MYO16: variants seen among roughly 807,000 people sequenced by gnomAD.
The protein encoded by MYO16 is myosin XVI.
In MYO16, 94 loss-of-function variants were observed where a neutral mutation model predicts 205.3. The observed-to-expected ratio is 0.46, with a 90% CI of 0.39 to 0.54. MYO16 has a LOEUF of 0.54. Ranked by LOEUF, MYO16 falls within the 20% of genes least tolerant of loss-of-function variation. The pLI is 0.00. For missense variants in MYO16, 2,315 were observed against 2,387.5 expected (o/e 0.97, Z 0.63); for synonymous variants, 988 against 954.0 (o/e 1.04, Z -0.66).
intron 1 of MYO16, among the ~76,000 whole-genome samples, chr13:108,639,354 T>C (rs550676697): frequency 2.6e-5 from 4 of 152,314 alleles, no homozygotes; most frequent in African/African-American, 4.8e-5. Context: ...TTTAAAAACA[T>C]GCATATCCTA....
chr13:108,896,382 T>C (rs994017032), intron 14 of MYO16, among the ~76,000 whole-genome samples: 5 of 152,188 alleles, frequency 3.3e-5, no homozygotes, highest in Non-Finnish European at 7.4e-5. Flanking sequence ...TTTCATTTTT[T>C]TCCCAGAAAA....
chr13:108,972,705 C>T (rs566238679), intron 20 of MYO16, among the ~76,000 whole-genome samples: 79 of 151,868 alleles, frequency 5.2e-4, no homozygotes, highest in African/African-American at 1.8e-3. Context: ...AACTGCCACT[C>T]TTTCTCTTAG....
chr13:108,901,753 A>T (rs1300863408), intron 15 of MYO16, among the ~76,000 whole-genome samples: 1 of 152,168 alleles, frequency 6.6e-6, no homozygotes, highest in African/African-American at 2.4e-5. Context: ...AACTCTGGCC[A>T]AATGATTTGG....
intron 12 of MYO16, among the ~76,000 whole-genome samples, chr13:108,866,578 G>A (rs147229899): frequency 3.9e-5 from 6 of 152,188 alleles, no homozygotes; most frequent in Admixed American, 3.9e-4. Flanking sequence ...ATTTGGACAC[G>A]TGACTTATTT....
intron 4 of MYO16, among the ~76,000 whole-genome samples, chr13:108,765,118 G>A (rs1885735759): frequency 1.3e-5 from 2 of 151,944 alleles, no homozygotes; most frequent in Admixed American, 1.3e-4. Flanking sequence ...ACACACATAG[G>A]TAAATCATAC....
At chr13:108,673,710 T>C (rs1882086912) in intron 2 of MYO16, among the ~76,000 whole-genome samples, 1 of 152,162 alleles carries the variant, frequency 6.6e-6, no homozygotes, top group South Asian at 2.1e-4. Context: ...TTTCCCCCAC[T>C]GCATCGACCT....
At chr13:108,522,563 T>G in the MYO16 span, among the ~76,000 whole-genome samples, 1 of 152,086 alleles carries the variant, frequency 6.6e-6, no homozygotes, top group Admixed American at 6.5e-5. Context: ...ATTTGGAGAT[T>G]TATTGACTCC....
At chr13:109,198,480 T>G (rs1377049012) in intron 34 of MYO16, among the ~76,000 whole-genome samples, 2 of 152,198 alleles carry the variant, frequency 1.3e-5, no homozygotes, top group Non-Finnish European at 2.9e-5. Flanking sequence ...GAGTCATATA[T>G]AAATCATAGT....
In MYO16 at chr13:109,006,319, A is replaced by T. The variant is rs150135916; in HGVS notation, c.2443-2578A>T. 4.0e-3 allele frequency among the ~76,000 whole-genome samples: 603 copies of T among 152,298 alleles called. 12 individuals carry two copies. The highest frequency in any genetic ancestry group is 0.027 in the Admixed American group (416 of 15,294). On this transcript the variant is annotated intron_variant, in intron 21 of 34. Transcript: ENST00000457511. ...CAGTGGCGTGATCTCAGCTAACTGC[A>T]ACCTTCGCCTCCCAGGTTCAAGCGA...
intron 3 of MYO16, among the ~76,000 whole-genome samples, chr13:108,713,475 A>G (rs1217529209): frequency 6.6e-6 from 1 of 152,206 alleles, no homozygotes; most frequent in Non-Finnish European, 1.5e-5. Flanking sequence ...AACATCACAT[A>G]AATTTTCAAC....
intron 1 of MYO16, among the ~76,000 whole-genome samples, chr13:108,607,322 C>G (rs1566502303): frequency 6.6e-6 from 1 of 152,130 alleles, no homozygotes; most frequent in African/African-American, 2.4e-5. Flanking sequence ...CCACCCAAAT[C>G]TCATCTTGAA....
intron 1 of MYO16, among the ~76,000 whole-genome samples, chr13:108,605,837 A>G (rs748750023): frequency 6.6e-4 from 100 of 152,346 alleles, no homozygotes; most frequent in Non-Finnish European, 1.3e-3. Flanking sequence ...ACTGGGTAAT[A>G]GACAAAGGTT....
chr13:108,588,395 G>A, the MYO16 span, among the ~76,000 whole-genome samples: 5 of 152,196 alleles, frequency 3.3e-5, no homozygotes, highest in African/African-American at 1.2e-4. Flanking sequence ...AGAGAGGGTA[G>A]TATGGAAAGT....
chr13:108,746,947 A>T (rs1171259832), intron 4 of MYO16, among the ~76,000 whole-genome samples: 1 of 152,226 alleles, frequency 6.6e-6, no homozygotes, highest in African/African-American at 2.4e-5. Context: ...AAAAAAGATA[A>T]GAATCACAAT....
intron 2 of MYO16, among the ~76,000 whole-genome samples, chr13:108,676,351 T>C (rs1882202506): frequency 2.1e-5 from 3 of 145,152 alleles, no homozygotes; most frequent in African/African-American, 7.7e-5. Context: ...TGTTTTCTGC[T>C]AATGTGTGAT....
chr13:108,558,219 C>G, the MYO16 span, among the ~76,000 whole-genome samples: 7 of 152,202 alleles, frequency 4.6e-5, no homozygotes, highest in East Asian at 1.4e-3. Flanking sequence ...AACGTATTCA[C>G]TGTGCCAAAG....
chr13:108,572,745 G>A, the MYO16 span, among the ~76,000 whole-genome samples: 4 of 152,084 alleles, frequency 2.6e-5, no homozygotes, highest in African/African-American at 4.8e-5. Flanking sequence ...TCCACTTAAT[G>A]GTATGCTTTA....
intron 27 of MYO16, among the ~76,000 whole-genome samples, chr13:109,058,083 G>C (rs75339161): frequency 0.028 from 4,221 of 152,198 alleles, 198 homozygotes; most frequent in African/African-American, 0.097. Context: ...GATTCAGTAG[G>C]TCTAGCGGAG....
chr13:108,871,571 G>T (rs1199257065), intron 12 of MYO16, among the ~76,000 whole-genome samples: 1 of 152,016 alleles, frequency 6.6e-6, no homozygotes, highest in Non-Finnish European at 1.5e-5. Flanking sequence ...TTTTTTATTT[G>T]CTCCCTTCAA....
Sources: gnomAD v4.1 joint callset for allele counts (sites outside exome capture counted in the v4.1 genomes callset) on GRCh38, gnomAD v4.1.1 for gene constraint, MANE v1.5 for transcripts, NCBI Gene and HGNC (gene_info 2026-07-23, HGNC 2026-07-21) for gene names.